DPP10: variants seen among roughly 807,000 people sequenced by gnomAD.
The protein encoded by DPP10 is inactive dipeptidyl peptidase 10.
DPP10 carries 33 observed loss-of-function variants against 120.9 expected under a neutral mutation model. The ratio of observed to expected loss-of-function variants is 0.27; its 90% CI spans 0.21 to 0.37. The LOEUF (loss-of-function observed/expected upper bound fraction) is 0.37. DPP10 is among the 10% of genes least tolerant of loss of function. The probability of loss-of-function intolerance (pLI) is 1.00; values close to 1 mark genes in which losing one functional copy is unlikely to be tolerated. For missense variants in DPP10, 816 were observed against 942.8 expected (o/e 0.87, Z 1.76); for synonymous variants, 337 against 326.1 (o/e 1.03, Z -0.36).
At chr2:115,626,491 T>A (rs2085372414) in intron 5 of DPP10, among the ~76,000 whole-genome samples, 1 of 152,110 alleles carries the variant, frequency 6.6e-6, no homozygotes, top group South Asian at 2.1e-4. Flanking sequence ...GATTTATACA[T>A]GCTTAGAAAG....
chr2:114,894,608 T>C (rs1183417151), intron 1 of DPP10, among the ~76,000 whole-genome samples: 1 of 152,214 alleles, frequency 6.6e-6, no homozygotes, highest in African/African-American at 2.4e-5. Flanking sequence ...GAAAAGGAGC[T>C]GTAATAGTTA....
intron 5 of DPP10, among the ~76,000 whole-genome samples, chr2:115,540,108 G>C (rs1053263153): frequency 6.6e-6 from 1 of 151,788 alleles, no homozygotes; most frequent in Non-Finnish European, 1.5e-5. Flanking sequence ...TAGCCATGAG[G>C]TCAACACAGT....
At chr2:115,580,237 T>C (rs2149123867) in intron 5 of DPP10, 1 of 152,314 alleles carries the variant, frequency 6.6e-6, no homozygotes, top group African/African-American at 2.4e-5. Flanking sequence ...TGGTACTTTG[T>C]CCCAGCAAAT....
intron 5 of DPP10, among the ~76,000 whole-genome samples, chr2:115,603,122 CTGTG>C (rs61161169): frequency 0.44 from 62,808 of 143,786 alleles, 14,360 homozygotes; most frequent in Middle Eastern, 0.57. Flanking sequence ...ATAAATAAAA[CTGTG>C]TGTGTGTGTG....
chr2:114,728,929 A>G (rs1676618885), intron 1 of DPP10, among the ~76,000 whole-genome samples: 1 of 152,210 alleles, frequency 6.6e-6, no homozygotes, highest in Non-Finnish European at 1.5e-5. Flanking sequence ...CTCTTTTGAA[A>G]TAATGTTTGA....
At chr2:114,447,868 A>G (rs1470973036) in intron 1 of DPP10, among the ~76,000 whole-genome samples, 2 of 152,220 alleles carry the variant, frequency 1.3e-5, no homozygotes, top group Non-Finnish European at 2.9e-5. Context: ...TGTGTGTGAG[A>G]GAAAACTTTT....
chr2:115,459,925 T>TTA (rs1553418431), intron 3 of DPP10, among the ~76,000 whole-genome samples: 2 of 130,164 alleles, frequency 1.5e-5, no homozygotes, highest in African/African-American at 5.4e-5. Context: ...AACATATATT[T>TTA]TATATATATA....
chr2:115,713,123 T>A (rs180716424), intron 7 of DPP10, among the ~76,000 whole-genome samples: 1 of 151,574 alleles, frequency 6.6e-6, no homozygotes, highest in Non-Finnish European at 1.5e-5. Context: ...AGTAGAAACG[T>A]TTTGATGTAA....
intron 5 of DPP10, among the ~76,000 whole-genome samples, chr2:115,650,429 A>G (rs1254987587): frequency 2.0e-5 from 3 of 151,154 alleles, no homozygotes; most frequent in Non-Finnish European, 2.9e-5. Flanking sequence ...GGGATAATCC[A>G]CTTGACAACT....
chr2:114,930,319 T>A (rs779772350), intron 1 of DPP10, among the ~76,000 whole-genome samples: 8 of 152,220 alleles, frequency 5.3e-5, no homozygotes, highest in Middle Eastern at 3.2e-3. Context: ...ATAAATTCCA[T>A]CTTTAGGTCA....
chr2:115,525,703 T>A (rs1200709096), intron 4 of DPP10, among the ~76,000 whole-genome samples, 195 bp from the exon 5 acceptor site: 1 of 152,054 alleles, frequency 6.6e-6, no homozygotes, highest in Non-Finnish European at 1.5e-5. Context: ...TACTGAAATG[T>A]CTAATATGTC....
At chr2:114,885,052 C>G (rs1179020504) in intron 1 of DPP10, among the ~76,000 whole-genome samples, 2 of 152,130 alleles carry the variant, frequency 1.3e-5, no homozygotes, top group African/African-American at 4.8e-5. Flanking sequence ...GGTGGCTGCC[C>G]CTTGGTATTT....
chr2:114,535,494 A>C (rs994314116), intron 1 of DPP10, among the ~76,000 whole-genome samples: 1 of 152,176 alleles, frequency 6.6e-6, no homozygotes, highest in African/African-American at 2.4e-5. Context: ...TAAACATATT[A>C]ATCCCATTGC....
intron 3 of DPP10, among the ~76,000 whole-genome samples, chr2:115,492,160 G>C (rs1223416478): frequency 6.6e-6 from 1 of 152,122 alleles, no homozygotes; most frequent in Non-Finnish European, 1.5e-5. Context: ...TCATTCTACT[G>C]GATGGGGCTG....
intron 3 of DPP10, among the ~76,000 whole-genome samples, chr2:115,420,272 T>C (rs1255407310): frequency 2.0e-5 from 3 of 152,184 alleles, no homozygotes; most frequent in African/African-American, 7.2e-5. Flanking sequence ...GTGGTACAAA[T>C]GGAGTAGACA....
intron 1 of DPP10, among the ~76,000 whole-genome samples, chr2:114,858,115 G>A (rs542837819): frequency 1.3e-5 from 2 of 152,054 alleles, no homozygotes; most frequent in South Asian, 4.2e-4. Flanking sequence ...TCAGCCTCCC[G>A]AGTAGCTGGG....
At chr2:115,453,286 C>T (rs1225265954) in intron 3 of DPP10, among the ~76,000 whole-genome samples, 1 of 151,458 alleles carries the variant, frequency 6.6e-6, no homozygotes, top group Non-Finnish European at 1.5e-5. Context: ...GGAACTCATA[C>T]ATTAAATTGG....
chr2:115,838,317 A>G (rs1427972139), intron 24 of DPP10, among the ~76,000 whole-genome samples: 1 of 152,220 alleles, frequency 6.6e-6, no homozygotes, highest in Non-Finnish European at 1.5e-5. Flanking sequence ...ATAAATAGCA[A>G]TTATGTACTC....
At chr2:115,615,582 A>G (rs2084432258) in intron 5 of DPP10, among the ~76,000 whole-genome samples, 2 of 152,248 alleles carry the variant, frequency 1.3e-5, no homozygotes, top group African/African-American at 4.8e-5. Context: ...GAAAAAAAGC[A>G]GAGCAAAGCA....
Sources: gnomAD v4.1 joint callset for allele counts (sites outside exome capture counted in the v4.1 genomes callset) on GRCh38, gnomAD v4.1.1 for gene constraint, MANE v1.5 for transcripts, NCBI Gene and HGNC (gene_info 2026-07-23, HGNC 2026-07-21) for gene names.